The following RALGPS2 variants were observed in gnomAD, a reference collection of about 807,000 sequenced individuals.
RALGPS2 encodes the protein ras-specific guanine nucleotide-releasing factor RalGPS2.
Under a neutral mutation model 86.8 loss-of-function variants are expected in RALGPS2, and 43 were observed. The observed-to-expected ratio is 0.50, with a 90% confidence interval of 0.39 to 0.64. The LOEUF is 0.64. Among genes scored for constraint, RALGPS2 ranks in the 30% least tolerant of loss-of-function variants. The pLI, the probability that RALGPS2 is intolerant of heterozygous loss-of-function variation, is 0.00. For synonymous variants in RALGPS2, 243 were observed against 231.3 expected (o/e 1.05, Z -0.46); for missense variants, 536 against 694.6 (o/e 0.77, Z 2.57).
chr1:178,742,416 C>G (rs555086368), intron 1 of RALGPS2, among the ~76,000 whole-genome samples: 1 of 152,204 alleles, frequency 6.6e-6, no homozygotes, highest in African/African-American at 2.4e-5. Flanking sequence ...TGTAATAGTT[C>G]TAAACATTTA....
intron 8 of RALGPS2, among the ~76,000 whole-genome samples, chr1:178,835,718 T>C (rs1039073354): frequency 6.6e-6 from 1 of 152,146 alleles, no homozygotes; most frequent in African/African-American, 2.4e-5. Flanking sequence ...AATTAACTTA[T>C]TTTACTATCG....
intron 1 of RALGPS2, among the ~76,000 whole-genome samples, chr1:178,732,472 GTTT>G (rs1310967357): frequency 1.1e-4 from 16 of 151,766 alleles, no homozygotes; most frequent in African/African-American, 3.9e-4. Flanking sequence ...CTAATTTTTT[GTTT>G]TTTTAGTAGA....
In RALGPS2 at chr1:178,918,050, AGT is replaced by A. The variant is rs1267075169; in HGVS notation, c.*1694_*1695del. 3 of 152,084 alleles carry A rather than the reference AGT, an allele frequency of 2.0e-5. No individual in the cohort carries two copies. Among genetic ancestry groups the A allele is most frequent in the African/African-American group, 7.2e-5 (3 of 41,422 alleles). 9.4% of individuals were successfully genotyped at this position (152,084 alleles called of 1,614,324 possible). A position where few individuals can be genotyped will look rare whatever the true frequency, so the allele number is the denominator to read the frequency against. ...AAGGAAAAGAGAAGAGCTTTTTTTG[AGT>A]GTTAAGTTTTTTAATTTAGTATTCT... On this transcript the variant is annotated 3_prime_UTR_variant, in exon 20 of 20. Coordinates refer to ENST00000367635, the MANE Select transcript of RALGPS2 (RefSeq NM_152663.5).
At chr1:178,787,397 C>A (rs1253892200) in intron 4 of RALGPS2, among the ~76,000 whole-genome samples, 1 of 152,100 alleles carries the variant, frequency 6.6e-6, no homozygotes, top group Non-Finnish European at 1.5e-5. Flanking sequence ...TTTTATGTAA[C>A]CTGCTACATA....
intron 8 of RALGPS2, among the ~76,000 whole-genome samples, chr1:178,843,998 G>A (rs1656744396): frequency 6.6e-6 from 1 of 152,126 alleles, no homozygotes. Flanking sequence ...AACATACATG[G>A]TTTTGATTCA....
rs979766539 is a variant in RALGPS2 at position 178,919,763 on chromosome 1, T to G, written c.*3404T>G. On this transcript the variant is annotated 3_prime_UTR_variant, in exon 20 of 20. Transcript: ENST00000367635. ...GATCTGGTATTGATTTCCTTCCTGT[T>G]TTTTTGAGGCACATTCCTTTACAAC... is the stretch of plus-strand genomic sequence containing the variant. 1 of 152,072 alleles carries G rather than the reference T, an allele frequency of 6.6e-6. No individual in the cohort carries two copies. The highest frequency in any genetic ancestry group is 6.6e-5 in the Admixed American group (1 of 15,258). The allele number at this position is 152,072 out of a possible 1,614,324, so 9.4% of individuals were successfully genotyped here.
intron 1 of RALGPS2, among the ~76,000 whole-genome samples, chr1:178,744,643 G>A (rs1013802628): frequency 2.0e-5 from 3 of 151,692 alleles, no homozygotes; most frequent in Admixed American, 2.0e-4. Context: ...GTGAAACCCC[G>A]TCTCTACTAA....
chr1:178,875,013 T>C (rs1658938865), intron 8 of RALGPS2, among the ~76,000 whole-genome samples: 1 of 152,146 alleles, frequency 6.6e-6, no homozygotes, highest in African/African-American at 2.4e-5. Flanking sequence ...ATCAAAAATG[T>C]GTCAAGGGAG....
At chr1:178,775,980 T>C (rs1653063603) in intron 1 of RALGPS2, among the ~76,000 whole-genome samples, 1 of 151,134 alleles carries the variant, frequency 6.6e-6, no homozygotes, top group Non-Finnish European at 1.5e-5. Flanking sequence ...TTTTCCTTGC[T>C]ATAATTCCCT....
intron 8 of RALGPS2, among the ~76,000 whole-genome samples, chr1:178,876,064 AATG>A (rs1658990574): frequency 1.3e-5 from 2 of 152,198 alleles, no homozygotes; most frequent in Admixed American, 6.5e-5. Flanking sequence ...GTGGAAAATG[AATG>A]ATACTAGGAT....
chr1:178,835,646 G>A (rs1417979459), intron 8 of RALGPS2, among the ~76,000 whole-genome samples: 2 of 152,120 alleles, frequency 1.3e-5, no homozygotes, highest in African/African-American at 4.8e-5. Context: ...GCCCACCTCA[G>A]CCTCCCAAAT....
intron 18 of RALGPS2, among the ~76,000 whole-genome samples, chr1:178,904,016 G>GT (rs964297842): frequency 2.0e-4 from 30 of 151,914 alleles, no homozygotes; most frequent in African/African-American, 5.8e-4. Context: ...AACATCTACT[G>GT]TTTTTTTATT....
Position 178,916,960 on chromosome 1 carries a change from T to G in RALGPS2, c.*601T>G, listed in dbSNP as rs559125055. 2.6e-5 allele frequency: 4 copies of G among 152,284 alleles called. No individual in the cohort carries two copies. Among genetic ancestry groups the G allele is most frequent in the African/African-American group, 7.2e-5 (3 of 41,532 alleles). 9.4% of individuals were successfully genotyped at this position (152,284 alleles called of 1,614,324 possible). ...TGTTAGTCATGTGAGTTCTTGGGTT[T>G]GTTTGGGATTGGGTGGGGGTGTTTG... On this transcript the variant is annotated 3_prime_UTR_variant, in exon 20 of 20. Transcript: ENST00000367635.
chr1:178,865,517 T>C, intron 8 of RALGPS2: 1 of 1,614,016 alleles, frequency 6.2e-7, no homozygotes, highest in East Asian at 2.2e-5. Context: ...ATCCTTCAGG[T>C]TTTCAAGGTC....
At chr1:178,763,911 C>T (rs904412671) in intron 1 of RALGPS2, among the ~76,000 whole-genome samples, 4 of 151,212 alleles carry the variant, frequency 2.6e-5, no homozygotes, top group East Asian at 1.9e-4. Context: ...GTTTTATGTC[C>T]GATTGTGGGT....
intron 1 of RALGPS2, among the ~76,000 whole-genome samples, chr1:178,746,225 A>G (rs992320703): frequency 3.3e-5 from 5 of 152,226 alleles, no homozygotes; most frequent in Admixed American, 6.5e-5. Flanking sequence ...ATATATACTA[A>G]TGAACTCTCA....
chr1:178,735,185 C>T (rs752744715), intron 1 of RALGPS2, among the ~76,000 whole-genome samples: 3 of 152,098 alleles, frequency 2.0e-5, no homozygotes, highest in Admixed American at 6.5e-5. Flanking sequence ...TATAGCTATA[C>T]TCAGCAAACA....
chr1:178,769,281 C>A (rs1389714324), intron 1 of RALGPS2, among the ~76,000 whole-genome samples: 1 of 151,252 alleles, frequency 6.6e-6, no homozygotes, highest in Non-Finnish European at 1.5e-5. Flanking sequence ...TGGAGAGGAC[C>A]CACCATGCAC....
intron 8 of RALGPS2, among the ~76,000 whole-genome samples, chr1:178,867,121 C>G (rs1658463422): frequency 6.6e-6 from 1 of 152,050 alleles, no homozygotes; most frequent in Non-Finnish European, 1.5e-5. Context: ...ATTTAAGAAA[C>G]CAGCTCCTAA....
Sources: gnomAD v4.1 joint callset for allele counts (sites outside exome capture counted in the v4.1 genomes callset) on GRCh38, gnomAD v4.1.1 for gene constraint, MANE v1.5 for transcripts, NCBI Gene and HGNC (gene_info 2026-07-23, HGNC 2026-07-21) for gene names.